Variants in PKN2 observed in about 807,000 individuals in gnomAD.
PKN2 encodes the protein serine/threonine-protein kinase N2.
PKN2 carries 38 observed loss-of-function variants against 119.1 expected under a neutral mutation model. The observed-to-expected ratio is 0.32, with a 90% CI of 0.25 to 0.42. The LOEUF is 0.42. PKN2 is among the 10% of genes least tolerant of loss of function. The pLI, the probability that PKN2 is intolerant of heterozygous loss-of-function variation, is 1.00. For missense variants in PKN2, 850 were observed against 1,165.1 expected (o/e 0.73, Z 3.94); for synonymous variants, 390 against 384.9 (o/e 1.01, Z -0.15).
intron 18 of PKN2, among the ~76,000 whole-genome samples, chr1:88,825,084 A>G (rs1177667777): frequency 2.0e-5 from 3 of 152,242 alleles, no homozygotes; most frequent in Admixed American, 6.5e-5. Flanking sequence ...CATAGTGCAT[A>G]ACACAGTGCA....
chr1:88,732,993 G>A (rs560114941), intron 1 of PKN2, among the ~76,000 whole-genome samples: 5 of 152,232 alleles, frequency 3.3e-5, no homozygotes, highest in East Asian at 1.9e-4. Context: ...ATGAGAGGAC[G>A]AGAGGGGAGC....
intron 16 of PKN2, among the ~76,000 whole-genome samples, chr1:88,820,834 A>G (rs1266130531): frequency 3.9e-5 from 6 of 152,154 alleles, no homozygotes; most frequent in East Asian, 3.9e-4. Context: ...TTCATAGGCT[A>G]TTCTACACTG....
chr1:88,723,391 G>T (rs942078197), intron 1 of PKN2, among the ~76,000 whole-genome samples: 17 of 149,330 alleles, frequency 1.1e-4, no homozygotes, highest in Non-Finnish European at 2.5e-4. Context: ...GGGATTACAG[G>T]TGTAAGCCAC....
intron 15 of PKN2, among the ~76,000 whole-genome samples, chr1:88,810,764 G>A (rs1671749287): frequency 6.6e-6 from 1 of 151,864 alleles, no homozygotes; most frequent in African/African-American, 2.4e-5. Flanking sequence ...GCACCACCAT[G>A]CCCAGTTCAT....
At chr1:88,792,621 T>C (rs961416925) in intron 8 of PKN2, among the ~76,000 whole-genome samples, 6 of 152,192 alleles carry the variant, frequency 3.9e-5, no homozygotes, top group South Asian at 4.1e-4. Context: ...AGAAGCCTTA[T>C]TGATAACATA....
At chr1:88,753,594 C>G (rs1570579712) in intron 2 of PKN2, among the ~76,000 whole-genome samples, 3 of 152,046 alleles carry the variant, frequency 2.0e-5, no homozygotes, top group East Asian at 3.9e-4. Flanking sequence ...ATCTGCTTGG[C>G]TTCTGGGGAG....
intron 8 of PKN2, among the ~76,000 whole-genome samples, chr1:88,793,885 C>A (rs1237014126): frequency 6.6e-6 from 1 of 152,060 alleles, no homozygotes; most frequent in Non-Finnish European, 1.5e-5. Flanking sequence ...CCTTTTATTC[C>A]CCAAATATTT....
At chr1:88,797,668 C>T (rs1467733236) in intron 8 of PKN2, among the ~76,000 whole-genome samples, 1 of 151,700 alleles carries the variant, frequency 6.6e-6, no homozygotes, top group African/African-American at 2.4e-5. Context: ...AGAATGTCTT[C>T]CTTACCTACT....
chr1:88,703,683 C>T (rs1666860731), intron 1 of PKN2, among the ~76,000 whole-genome samples: 1 of 152,190 alleles, frequency 6.6e-6, no homozygotes, highest in East Asian at 1.9e-4. Flanking sequence ...CTATAGAGTT[C>T]TAGGAACAAC....
At chr1:88,745,719 C>T (rs1469221486) in intron 2 of PKN2, among the ~76,000 whole-genome samples, 4 of 152,054 alleles carry the variant, frequency 2.6e-5, no homozygotes, top group African/African-American at 9.7e-5. Flanking sequence ...CATCATTCTT[C>T]ACAGAAATAG....
intron 16 of PKN2, among the ~76,000 whole-genome samples, chr1:88,818,022 A>G (rs1303076436): frequency 6.6e-6 from 1 of 152,208 alleles, no homozygotes; most frequent in Non-Finnish European, 1.5e-5. Flanking sequence ...AACTTCAGCA[A>G]AGTCTCAGGA....
chr1:88,737,733 T>A (rs1408991261), intron 1 of PKN2, among the ~76,000 whole-genome samples: 7 of 152,146 alleles, frequency 4.6e-5, no homozygotes, highest in Non-Finnish European at 1.0e-4. Context: ...CTGCCTGGTG[T>A]TGGGTTTCAC....
chr1:88,722,280 G>C (rs1667711821), intron 1 of PKN2, among the ~76,000 whole-genome samples: 1 of 152,120 alleles, frequency 6.6e-6, no homozygotes, highest in African/African-American at 2.4e-5. Flanking sequence ...TTTTATGCTT[G>C]AATATGTATG....
In PKN2 at chr1:88,787,939, C is replaced by A. The variant is rs1381968660; in HGVS notation, c.1281+1726C>A. On this transcript the variant is annotated intron_variant, in intron 8 of 21. Transcript: ENST00000370521. ...TTTACATTTTCATGTGCTTTCTATT[C>A]TTTTATCCTTTGTATTTATAGACTA... Among the ~76,000 whole-genome samples, 4 of 152,038 alleles carry A rather than the reference C, an allele frequency of 2.6e-5. No homozygotes were observed. In the East Asian group the frequency reaches 7.7e-4, roughly 29 times the overall value.
chr1:88,747,882 T>C (rs1570571649), intron 2 of PKN2, among the ~76,000 whole-genome samples: 1 of 152,238 alleles, frequency 6.6e-6, no homozygotes, highest in East Asian at 1.9e-4. Context: ...ATATCTGTAT[T>C]GAGGGAACTT....
chr1:88,684,838 C>T (rs1453774222), intron 1 of PKN2: 3 of 502,310 alleles, frequency 6.0e-6, no homozygotes, highest in Non-Finnish European at 1.1e-5. Context: ...CCTGGCCTGC[C>T]ACCGCTTTGG....
At chr1:88,797,631 C>T (rs1455964685) in intron 8 of PKN2, among the ~76,000 whole-genome samples, 3 of 147,192 alleles carry the variant, frequency 2.0e-5, no homozygotes, top group South Asian at 2.2e-4. Flanking sequence ...ACAGAGACTC[C>T]GTCTCAAAAA....
intron 12 of PKN2, 35 bp from the exon 13 acceptor site, chr1:88,807,278 T>G: frequency 7.4e-7 from 1 of 1,344,002 alleles, no homozygotes; most frequent in Non-Finnish European, 1.0e-6. Context: ...TTTCTGGGTA[T>G]TTCTATGGAT....
intron 1 of PKN2, among the ~76,000 whole-genome samples, chr1:88,716,785 C>T (rs1019645789): frequency 2.0e-5 from 3 of 152,006 alleles, no homozygotes; most frequent in African/African-American, 7.2e-5. Flanking sequence ...GGGCATTTAG[C>T]CCATTTACAT....
Sources: gnomAD v4.1 joint callset for allele counts (sites outside exome capture counted in the v4.1 genomes callset) on GRCh38, gnomAD v4.1.1 for gene constraint, MANE v1.5 for transcripts, NCBI Gene and HGNC (gene_info 2026-07-23, HGNC 2026-07-21) for gene names.